The following NSL1 variants were observed in gnomAD, a reference collection of about 807,000 sequenced individuals.
NSL1 encodes the protein kinetochore-associated protein NSL1 homolog.
NSL1 carries 11 observed loss-of-function variants against 25.4 expected under a neutral mutation model. The ratio of observed to expected loss-of-function variants is 0.43; its 90% confidence interval spans 0.27 to 0.72. The LOEUF (loss-of-function observed/expected upper bound fraction) is 0.72. Ranked by LOEUF, NSL1 falls within the 30% of genes least tolerant of loss-of-function variation. The pLI is 0.19. For synonymous variants in NSL1, 118 were observed against 120.6 expected (o/e 0.98, Z 0.14); for missense variants, 330 against 342.7 (o/e 0.96, Z 0.29).
At chr1:212,769,070 G>A (rs892100636) in intron 4 of NSL1, among the ~76,000 whole-genome samples, 1 of 149,342 alleles carries the variant, frequency 6.7e-6, no homozygotes, top group Non-Finnish European at 1.5e-5. Flanking sequence ...CAATAAAATG[G>A]AGGAGGAATA....
At chr1:212,754,559 G>T (rs1242372370) in intron 4 of NSL1, among the ~76,000 whole-genome samples, 1 of 151,806 alleles carries the variant, frequency 6.6e-6, no homozygotes, top group Non-Finnish European at 1.5e-5. Flanking sequence ...GGTGGATCAC[G>T]TGAGGTCAGG....
Position 212,740,810 on chromosome 1 carries a change from T to C in NSL1, c.500-1209A>G, listed in dbSNP as rs73081821. On this transcript the variant is annotated intron_variant, in intron 4 of 5. Coordinates refer to ENST00000366977, the MANE Select transcript of NSL1 (RefSeq NM_015471.4). ...TAAAATTTAAAATGTAAGTAGAAAA[T>C]TGTGATAGGTAATATATGTGCTTCT... Among the ~76,000 whole-genome samples, 796 of 152,312 alleles carry C rather than the reference T, an allele frequency of 5.2e-3. 4 individuals are homozygous for C. The highest frequency in any genetic ancestry group is 0.018 in the African/African-American group (750 of 41,576).
At chr1:212,745,198 A>G (rs1054189945) in intron 4 of NSL1, among the ~76,000 whole-genome samples, 1,901 of 80,140 alleles carry the variant, frequency 0.024, 22 homozygotes, top group Non-Finnish European at 0.035. Flanking sequence ...ATATATATAT[A>G]TATATGCATA....
At chr1:212,764,751 AAGG>A (rs1309546040) in intron 4 of NSL1, among the ~76,000 whole-genome samples, 1 of 145,978 alleles carries the variant, frequency 6.9e-6, no homozygotes, top group African/African-American at 2.5e-5. Flanking sequence ...GAGGCTGAGG[AAGG>A]AGAATTGCTT....
chr1:212,727,316 CA>C lies in NSL1; in HGVS notation c.*11091del. 1 of 1,291,504 alleles carries C rather than the reference CA, an allele frequency of 7.7e-7. No individual in the cohort carries two copies. The highest frequency in any genetic ancestry group is 9.8e-7 in the Non-Finnish European group (1 of 1,017,188). 80.0% of individuals were successfully genotyped at this position (1,291,504 alleles called of 1,614,324 possible). ...CCAGGCAGGGCCCAGGATCCCCTTC[CA>C]AATTACTGAGGGGCAGTAAGTCCTG... On this transcript the variant is annotated 3_prime_UTR_variant, in exon 6 of 6. Transcript: ENST00000366977.
At position 212,791,558 on chromosome 1, in the gene NSL1, C is replaced by A; in HGVS notation, c.206G>T (p.Arg69Leu). The A allele has an allele frequency of 6.2e-7, 1 of 1,613,734 alleles. No homozygotes were observed. The highest frequency in any genetic ancestry group is 8.5e-7 in the Non-Finnish European group (1 of 1,180,004). Residue 69 changes from arginine to leucine, a missense_variant, in exon 1 of 6, where the codon CGG becomes CTG. Arg to Leu is a moderately radical substitution (Grantham distance 102, BLOSUM62 -2). Coordinates refer to ENST00000366977, the MANE Select transcript of NSL1 (RefSeq NM_015471.4). ...KLGDALPEEI[R>L]EPALRDAQWT... The stretch of plus-strand genomic sequence containing the variant: ...CTGCGCATCTCGCAGAGCGGGCTCC[C>A]GAATCTCCTCCGGCAGAGCGTCCCC...
At chr1:212,769,914 T>TA (rs1012044743) in intron 4 of NSL1, among the ~76,000 whole-genome samples, 2 of 152,028 alleles carry the variant, frequency 1.3e-5, no homozygotes, top group African/African-American at 2.4e-5. Context: ...GCTTAATGGA[T>TA]AAAAAAGTAT....
intron 4 of NSL1, among the ~76,000 whole-genome samples, chr1:212,774,272 T>C (rs1220129656): frequency 1.3e-5 from 2 of 152,120 alleles, no homozygotes; most frequent in Non-Finnish European, 2.9e-5. Flanking sequence ...AAAGAAACAA[T>C]AAATATTTAA....
intron 4 of NSL1, among the ~76,000 whole-genome samples, chr1:212,768,673 AG>A (rs1333238622): frequency 6.6e-6 from 1 of 152,230 alleles, no homozygotes; most frequent in East Asian, 1.9e-4. Context: ...CTAAGCTATG[AG>A]GATGCAAAGG....
chr1:212,764,024 TG>T (rs1456280146), intron 4 of NSL1: 1 of 441,664 alleles, frequency 2.3e-6, no homozygotes, highest in Non-Finnish European at 4.5e-6. Flanking sequence ...GGTGATATGA[TG>T]GGCCACAAAA....
intron 1 of NSL1, among the ~76,000 whole-genome samples, chr1:212,789,396 T>C (rs1376548114): frequency 1.3e-5 from 2 of 152,094 alleles, no homozygotes; most frequent in Admixed American, 6.5e-5. Context: ...ATTTTTAGTA[T>C]AGACAGGGTT....
At position 212,759,754 on chromosome 1, in the gene NSL1, A is replaced by G. The variant is rs550939706; in HGVS notation, c.500-20153T>C. ...ACCTGGAGAGCTGCAGTGGCACAACACTGACTGAACCCAATAGTAAAACCA... is the reference window on the plus strand; with the variant it reads ...ACCTGGAGAGCTGCAGTGGCACAACGCTGACTGAACCCAATAGTAAAACCA... On this transcript the variant is annotated intron_variant, in intron 4 of 5. Transcript: ENST00000366977. Among the ~76,000 whole-genome samples the G allele has an allele frequency of 5.3e-5, 8 of 152,076 alleles. No homozygotes were observed. In the South Asian group the frequency reaches 1.7e-3, roughly 32 times the overall value.
Position 212,728,802 on chromosome 1 carries a change from G to C in NSL1, c.*9606C>G, listed in dbSNP as rs972501817. 1.0e-6 allele frequency: 1 copy of C among 985,242 alleles called. No homozygotes were observed. Among genetic ancestry groups the C allele is most frequent in the African/African-American group, 1.7e-5 (1 of 57,204 alleles). 61.0% of individuals were successfully genotyped at this position (985,242 alleles called of 1,614,324 possible). On this transcript the variant is annotated 3_prime_UTR_variant, in exon 6 of 6. Transcript: ENST00000366977. ...TCCCTTCTGTTTTTCCTCTCACTCTGACTCGAGGAGGGCCCTCAGCGCAGA... is the reference window on the plus strand; with the variant it reads ...TCCCTTCTGTTTTTCCTCTCACTCTCACTCGAGGAGGGCCCTCAGCGCAGA...
Position 212,737,141 on chromosome 1 carries a change from CATAAAA to C in NSL1, c.*1261_*1266del. On this transcript the variant is annotated 3_prime_UTR_variant, in exon 6 of 6. Transcript: ENST00000366977. The stretch of plus-strand genomic sequence containing the variant: ...GAGCTCAGGAATGCCTAAGACAACT[CATAAAA>C]ATACACAGCATCAAGATCAGTCTTT... The C allele has an allele frequency of 3.0e-6, 3 of 985,376 alleles. No individual in the cohort carries two copies. Among genetic ancestry groups the C allele is most frequent in the African/African-American group, 3.5e-5 (2 of 57,374 alleles). The allele number at this position is 985,376 out of a possible 1,614,324, so 61.0% of individuals were successfully genotyped here.
Position 212,736,234 on chromosome 1 carries a change from C to T in NSL1, c.*2174G>A. ...TGTATTTTTTGTAGAAATGGAGTTT[C>T]ACTATGTTGCCCAGGCTGGGCTCAA... On this transcript the variant is annotated 3_prime_UTR_variant, in exon 6 of 6. Coordinates refer to ENST00000366977, the MANE Select transcript of NSL1 (RefSeq NM_015471.4). The T allele has an allele frequency of 2.9e-6, 2 of 695,970 alleles. No individual in the cohort carries two copies. The highest frequency in any genetic ancestry group is 7.5e-4 in the Middle Eastern group (1 of 1,334). 43.1% of individuals were successfully genotyped at this position (695,970 alleles called of 1,614,324 possible). A position where few individuals can be genotyped will look rare whatever the true frequency, so the allele number is the denominator to read the frequency against.
In NSL1 at chr1:212,737,875, A is replaced by G. The variant is rs1004392679; in HGVS notation, c.*533T>C. On this transcript the variant is annotated 3_prime_UTR_variant, in exon 6 of 6. Coordinates refer to ENST00000366977, the MANE Select transcript of NSL1 (RefSeq NM_015471.4). ...ACAAACCTAAATTAGCTGAACATGG[A>G]GTAACAAAGTCAAAGCCAGTATTAT... is the stretch of plus-strand genomic sequence containing the variant. 4.1e-6 allele frequency: 4 copies of G among 985,316 alleles called. No homozygotes were observed. The African/African-American group carries it at 7.0e-5, about 17-fold the overall frequency. The allele number at this position is 985,316 out of a possible 1,614,324, so 61.0% of individuals were successfully genotyped here. A position where few individuals can be genotyped will look rare whatever the true frequency, so the allele number is the denominator to read the frequency against.
intron 4 of NSL1, among the ~76,000 whole-genome samples, chr1:212,765,066 C>T (rs1659743979): frequency 6.6e-6 from 1 of 151,834 alleles, no homozygotes; most frequent in Non-Finnish European, 1.5e-5. Flanking sequence ...AGACCAATAA[C>T]AAGCAGTGAG....
At chr1:212,789,572 G>A (rs572191670) in intron 1 of NSL1, among the ~76,000 whole-genome samples, 1 of 152,284 alleles carries the variant, frequency 6.6e-6, no homozygotes, top group East Asian at 1.9e-4. Flanking sequence ...AAAACATATT[G>A]TCTTTGTAAC....
At chr1:212,757,860 G>A (rs890177850) in intron 4 of NSL1, among the ~76,000 whole-genome samples, 3 of 152,206 alleles carry the variant, frequency 2.0e-5, no homozygotes, top group African/African-American at 7.2e-5. Flanking sequence ...GGTCCTAAGC[G>A]AATATGGTGA....
Sources: gnomAD v4.1 joint callset for allele counts (sites outside exome capture counted in the v4.1 genomes callset) on GRCh38, gnomAD v4.1.1 for gene constraint, MANE v1.5 for transcripts, NCBI Gene and HGNC (gene_info 2026-07-23, HGNC 2026-07-21) for gene names.